ADAM33: variants seen among roughly 807,000 people sequenced by gnomAD.
ADAM33 encodes the protein ADAM metallopeptidase domain 33, also known as disintegrin and metalloproteinase domain-containing protein 33.
ADAM33 carries 103 observed loss-of-function variants against 106.2 expected under a neutral mutation model. The ratio of observed to expected loss-of-function variants is 0.97; its 90% confidence interval spans 0.83 to 1.14. ADAM33 has a LOEUF of 1.14. ADAM33 is among the 50% of genes most tolerant of loss of function. The probability of loss-of-function intolerance (pLI) is 0.00; values close to 1 mark genes in which losing one functional copy is unlikely to be tolerated. For missense variants in ADAM33, 1,120 were observed against 1,096.6 expected, an observed-to-expected ratio of 1.02 and a Z score of -0.30; for synonymous variants, 483 against 453.0, an observed-to-expected ratio of 1.07 and a Z score of -0.84.
intron 19 of ADAM33, 44 bp downstream of exon 19, chr20:3,670,962 G>A (rs749396883): frequency 2.6e-6 from 4 of 1,511,548 alleles, no homozygotes; most frequent in Admixed American, 2.0e-5. Context: ...TCTGAGGAGG[G>A]GAACCGCAGG....
rs571197585 is a variant in ADAM33, at chr20:3,672,361, A to T, written c.1402-32T>A. 12 of 1,605,900 alleles carry T rather than the reference A, an allele frequency of 7.5e-6. No homozygotes were observed. The South Asian group carries it at 1.3e-4, about 18-fold the overall frequency. On this transcript the variant is annotated intron_variant, in intron 13 of 21. Coordinates refer to ENST00000356518, the MANE Select transcript of ADAM33 (RefSeq NM_025220.5). ...AGGTGACGGGTGGTGGGGAAGGCAGAGAGAGGCCACGTGCAGTGAGAGGTC... is the reference window on the plus strand; with the variant it reads ...AGGTGACGGGTGGTGGGGAAGGCAGTGAGAGGCCACGTGCAGTGAGAGGTC...
intron 13 of ADAM33, 65 bp downstream of exon 13, chr20:3,672,472 C>A: frequency 6.3e-7 from 1 of 1,591,890 alleles, no homozygotes; most frequent in Non-Finnish European, 8.6e-7. Flanking sequence ...CACCAATTAA[C>A]TAAGGCCAAC....
intron 1 of ADAM33, 70 bp downstream of exon 1, chr20:3,681,838 C>A (rs2088527154): frequency 1.3e-6 from 2 of 1,547,642 alleles, no homozygotes; most frequent in Admixed American, 1.9e-5. Flanking sequence ...GAGCTCTGAG[C>A]AGAACCCATC....
chr20:3,674,176 G>A (rs758440582), intron 7 of ADAM33, 41 bp from the exon 8 acceptor site: 1 of 1,614,134 alleles, frequency 6.2e-7, no homozygotes, highest in South Asian at 1.1e-5. Context: ...GGGCTGAGCT[G>A]GCCCCATCCC....
intron 2 of ADAM33, among the ~76,000 whole-genome samples, chr20:3,677,801 C>T (rs572986695): frequency 1.2e-4 from 18 of 152,324 alleles, no homozygotes; most frequent in Non-Finnish European, 2.1e-4. Flanking sequence ...CTGGCTTGGA[C>T]GGCCAGCCCT....
At chr20:3,681,510 T>G (rs2088491012) in intron 1 of ADAM33, among the ~76,000 whole-genome samples, 1 of 151,706 alleles carries the variant, frequency 6.6e-6, no homozygotes, top group South Asian at 2.1e-4. Context: ...CCCCGCTGAG[T>G]CCTAAGGGGT....
rs747081254 is a variant in ADAM33, at chr20:3,672,806, G to A, written c.1226C>T (p.Pro409Leu). Residue 409 changes from proline to leucine, a missense_variant, in exon 12 of 22, where the codon CCG becomes CTG. By Grantham distance (98) the Pro-to-Leu change is moderately conservative. Coordinates refer to ENST00000356518, the MANE Select transcript of ADAM33 (RefSeq NM_025220.5). ...CGGCGGCACCGGGAGTCCGGGGTCC[G>A]GGGCATTGGAGAGGCAAGCGCCGCC... Reference protein sequence around the residue: ...KGGGACLSNAPDPGLPVPPAL... With the variant: ...KGGGACLSNALDPGLPVPPAL... 1.9e-6 allele frequency: 3 copies of A among 1,576,784 alleles called. No homozygotes were observed. Among genetic ancestry groups the A allele is most frequent in the South Asian group, 2.3e-5 (2 of 88,202 alleles).
At chr20:3,670,335 G>C (rs2087451744) in intron 19 of ADAM33, 1 of 161,330 alleles carries the variant, frequency 6.2e-6, no homozygotes, top group African/African-American at 2.4e-5. Context: ...GGCTTGCCCG[G>C]AGCACTCCCA....
At position 3,680,561 on chromosome 20, in the gene ADAM33, G is replaced by A. The variant is rs1341943776; in HGVS notation, c.98-990C>T. On this transcript the variant is annotated intron_variant, in intron 1 of 21. Transcript: ENST00000356518. The stretch of plus-strand genomic sequence containing the variant: ...GATTGGATGAGTGAATTGCCATCAG[G>A]CAGATGAGGGCCGAGAGGAGTCTGC... Among the ~76,000 whole-genome samples the A allele has an allele frequency of 2.0e-5, 3 of 152,328 alleles. No homozygotes were observed. The East Asian group carries it at 5.8e-4, about 29-fold the overall frequency.
At position 3,668,744 on chromosome 20, in the gene ADAM33, A is replaced by G. The variant is rs2087342295; in HGVS notation, c.*219T>C. The G allele has an allele frequency of 1.7e-6, 1 of 594,004 alleles. No individual in the cohort carries two copies. Among genetic ancestry groups the G allele is most frequent in the Admixed American group, 2.7e-5 (1 of 36,666 alleles). 36.8% of individuals were successfully genotyped at this position (594,004 alleles called of 1,614,324 possible). ...GGACTGATGGTTTATTGAGCTGGAG[A>G]GTGTGCCCAGCAGTGTTCTCCAGCC... On this transcript the variant is annotated 3_prime_UTR_variant, in exon 22 of 22. Coordinates refer to ENST00000356518, the MANE Select transcript of ADAM33 (RefSeq NM_025220.5).
At chr20:3,677,033 C>T (rs762631652) in intron 3 of ADAM33, 34 bp downstream of exon 3, 7 of 1,608,008 alleles carry the variant, frequency 4.4e-6, no homozygotes, top group East Asian at 2.2e-5. Context: ...ACACTGATCC[C>T]CTCCTCCCAG....
rs759846799 is a variant in ADAM33, at chr20:3,673,501, G to T, written c.991-5C>A. 4.0e-6 allele frequency: 6 copies of T among 1,488,178 alleles called. No individual in the cohort carries two copies. Among genetic ancestry groups the T allele is most frequent in the Non-Finnish European group, 4.4e-6 (5 of 1,127,538 alleles). The allele number at this position is 1,488,178 out of a possible 1,614,324, so 92.2% of individuals were successfully genotyped here. A position where few individuals can be genotyped will look rare whatever the true frequency, so the allele number is the denominator to read the frequency against. On this transcript the variant is annotated splice_region_variant and splice_polypyrimidine_tract_variant and intron_variant, in intron 10 of 21. Transcript: ENST00000356518. ...GATGGGGAGCTCCGAGTGGTCCTGG[G>T]GGGCCGTGGGAGGGCGGTCACTGCG...
rs1396553842 is a variant in ADAM33, at chr20:3,672,326, T to C, written c.1405A>G (p.Lys469Glu). 5 of 1,611,258 alleles carry C rather than the reference T, an allele frequency of 3.1e-6. No homozygotes were observed. The highest frequency in any genetic ancestry group is 4.2e-6 in the Non-Finnish European group (5 of 1,179,522). Reference sequence around the variant, plus strand: ...TGGCGGCACAGCGCTCCAGCCGGCTTCAGCTGCGCAGGTGACGGGTGGTGG... The same window carrying C: ...TGGCGGCACAGCGCTCCAGCCGGCTCCAGCTGCGCAGGTGACGGGTGGTGG... ...HGDCCVRCLL[K>E]PAGALCRQAM... The change falls in exon 14 of 22, where the codon AAG becomes GAG. Residue 469 changes from lysine (K) to glutamate (E), a missense_variant. Lys to Glu is a moderately conservative substitution (Grantham distance 56). Transcript: ENST00000356518.
chr20:3,671,828 CA>C (rs1402252233), intron 15 of ADAM33, 48 bp downstream of exon 15: 27 of 1,551,408 alleles, frequency 1.7e-5, no homozygotes, highest in Non-Finnish European at 2.4e-5. Flanking sequence ...CCCCCTTCCC[CA>C]AACCCACTCC....
In ADAM33 at chr20:3,671,447, C is replaced by A. The variant is rs150290195; in HGVS notation, c.1955G>T (p.Arg652Leu). The stretch of plus-strand genomic sequence containing the variant: ...GTGGCTGTGGCAGGCAGTCAGGCAG[C>A]GCTGAAGCTCCTGGAAGGCATTCTT... ...CRKNAFQELQ[R>L]CLTACHSHGV... The change falls in exon 17 of 22, where the codon CGC (arginine) becomes CTC (leucine). Residue 652 changes from arginine (R) to leucine (L), a missense_variant. Coordinates refer to ENST00000356518, the MANE Select transcript of ADAM33 (RefSeq NM_025220.5). The A allele has an allele frequency of 1.5e-5, 24 of 1,612,336 alleles. No individual in the cohort carries two copies. The Middle Eastern group carries it at 5.0e-4, about 33-fold the overall frequency.
In ADAM33 at chr20:3,675,906, G is replaced by T. The variant is rs2146423486; in HGVS notation, c.255-801C>A. On this transcript the variant is annotated intron_variant, in intron 3 of 21. Transcript: ENST00000356518. The surrounding 1 kb of genome is among the most constrained non-coding windows in gnomAD (Gnocchi z 4.1). ...GCATTCCACCACCTGCCCCAGCTCT[G>T]CCCCCTACCCCTGCCCCACACACAC... Among the ~76,000 whole-genome samples the T allele has an allele frequency of 6.7e-6, 1 of 149,886 alleles. No homozygotes were observed. Among genetic ancestry groups the T allele is most frequent in the East Asian group, 2.0e-4 (1 of 5,056 alleles).
chr20:3,673,416 G>A lies in ADAM33; in HGVS notation c.1071C>T (p.Pro357=). ...IGHSLGLSHD[P]DGCCVEAAAE... ...CCGCAGCCTCCACGCAGCAGCCGTC[G>A]GGGTCGTGGCTGAGGCCGAGGCTGT... The change falls in exon 11 of 22, where the codon CCC becomes CCT. Residue 357 remains proline (P), a synonymous_variant. Transcript: ENST00000356518. 2.6e-6 allele frequency: 4 copies of A among 1,565,850 alleles called. No homozygotes were observed. Among genetic ancestry groups the A allele is most frequent in the Non-Finnish European group, 3.4e-6 (4 of 1,162,892 alleles).
chr20:3,673,011 AG>A, intron 11 of ADAM33, 113 bp from the exon 12 acceptor site: 1 of 1,437,238 alleles, frequency 7.0e-7, no homozygotes, highest in Non-Finnish European at 9.1e-7. Flanking sequence ...GAGCCCAGAG[AG>A]GGGAAGTAAC....
At chr20:3,673,972 T>TG in intron 8 of ADAM33, 61 bp from the exon 9 acceptor site, 1 of 1,596,546 alleles carries the variant, frequency 6.3e-7, no homozygotes, top group Non-Finnish European at 8.5e-7. Flanking sequence ...TGGTCCTTCG[T>TG]GGGGCGCCCT....
Sources: gnomAD v4.1 joint callset for allele counts (sites outside exome capture counted in the v4.1 genomes callset) on GRCh38, gnomAD v4.1.1 for gene constraint, Gnocchi (gnomAD v3.1) non-coding constraint, MANE v1.5 for transcripts, NCBI Gene and HGNC (gene_info 2026-07-23, HGNC 2026-07-21) for gene names.